Variants in PRKG1 observed in about 807,000 individuals in gnomAD.
PRKG1 encodes cGMP-dependent protein kinase 1.
In PRKG1, 35 loss-of-function variants were observed where a neutral mutation model predicts 88.1. That is an observed-to-expected ratio of 0.40 (90% CI 0.30 to 0.53). The LOEUF is 0.53. PRKG1 is among the 20% of genes least tolerant of loss of function. PRKG1 has a pLI of 0.59. For missense variants in PRKG1, 540 were observed against 839.8 expected (o/e 0.64, Z 4.41); for synonymous variants, 303 against 292.5 (o/e 1.04, Z -0.37).
At chr10:52,277,642 G>A (rs1841905207) in intron 12 of PRKG1, among the ~76,000 whole-genome samples, 1 of 152,102 alleles carries the variant, frequency 6.6e-6, no homozygotes, top group Admixed American at 6.6e-5. Flanking sequence ...AGTAAATGGA[G>A]TCTGGAGTTG....
chr10:51,554,118 C>CGTATGTGATAT lies in PRKG1; in HGVS notation c.592+86284_592+86285insATGTGATATGT, dbSNP rs1837234704. Among the ~76,000 whole-genome samples, 2 of 69,890 alleles carry CGTATGTGATAT rather than the reference C, an allele frequency of 2.9e-5. 1 individual carries two copies. The highest frequency in any genetic ancestry group is 1.2e-4 in the African/African-American group (2 of 17,212). The allele number at this position is 69,890 out of a possible 152,430, so 45.9% of individuals were successfully genotyped here. On this transcript the variant is annotated intron_variant, in intron 3 of 17. Transcript: ENST00000373980. ...ATATATTATATGTGCGTATGTGATA[C>CGTATGTGATAT]GTGTATATATTATATGTGCGTATGT...
At chr10:51,826,940 C>A (rs1455656824) in intron 4 of PRKG1, among the ~76,000 whole-genome samples, 1 of 152,102 alleles carries the variant, frequency 6.6e-6, no homozygotes, top group African/African-American at 2.4e-5. Context: ...AGTTTAGTTT[C>A]CCCTGAGGAA....
intron 2 of PRKG1, among the ~76,000 whole-genome samples, chr10:51,372,440 G>A (rs943538547): frequency 2.6e-5 from 4 of 151,880 alleles, no homozygotes; most frequent in African/African-American, 9.7e-5. Context: ...TTTTTCACTT[G>A]TGTAATCATG....
At chr10:51,232,807 T>C (rs1390639720) in intron 2 of PRKG1, among the ~76,000 whole-genome samples, 1 of 152,160 alleles carries the variant, frequency 6.6e-6, no homozygotes, top group African/African-American at 2.4e-5. Flanking sequence ...TTCAATAGAA[T>C]CAACCTGCCC....
At chr10:51,060,170 T>C (rs566732682) in intron 1 of PRKG1, among the ~76,000 whole-genome samples, 1 of 152,228 alleles carries the variant, frequency 6.6e-6, no homozygotes, top group East Asian at 1.9e-4. Context: ...CCATTTTTAC[T>C]ATAAGCCTTT....
intron 3 of PRKG1, among the ~76,000 whole-genome samples, chr10:51,618,820 G>A (rs976347701): frequency 6.6e-6 from 1 of 151,968 alleles, no homozygotes; most frequent in East Asian, 1.9e-4. Context: ...CCAGGCTGGA[G>A]TGTAGTGGCA....
intron 7 of PRKG1, among the ~76,000 whole-genome samples, chr10:52,104,363 TG>T (rs1282263773): frequency 6.6e-6 from 1 of 152,084 alleles, no homozygotes. Context: ...AAAACTGATG[TG>T]GCCTTATTTC....
rs570263026 is a variant in PRKG1 at position 52,152,622 on chromosome 10, A to T, written c.1002-9267A>T. On this transcript the variant is annotated intron_variant, in intron 8 of 17. Coordinates refer to ENST00000373980, the MANE Select transcript of PRKG1 (RefSeq NM_006258.4). ...CGTGAAGTATTCTATGGTCAAATGTAGCATGGGATAATTCAGAGAAGTTGT... is the reference window on the plus strand; with the variant it reads ...CGTGAAGTATTCTATGGTCAAATGTTGCATGGGATAATTCAGAGAAGTTGT... Among the ~76,000 whole-genome samples the T allele has an allele frequency of 1.1e-4, 16 of 152,296 alleles. 1 individual carries two copies. The East Asian group carries it at 3.1e-3, about 30-fold the overall frequency.
At chr10:51,854,795 C>G (rs985759233) in intron 4 of PRKG1, among the ~76,000 whole-genome samples, 2 of 152,004 alleles carry the variant, frequency 1.3e-5, no homozygotes, top group Non-Finnish European at 2.9e-5. Flanking sequence ...TTTAAAAAAT[C>G]ATTTTGGTAC....
At chr10:51,994,637 C>T (rs1334873426) in intron 5 of PRKG1, among the ~76,000 whole-genome samples, 2 of 152,126 alleles carry the variant, frequency 1.3e-5, no homozygotes, top group African/African-American at 4.8e-5. Flanking sequence ...GTCCTTAGGT[C>T]CGTAGTGCTT....
chr10:51,155,075 A>C (rs1402451505), intron 2 of PRKG1, among the ~76,000 whole-genome samples: 1 of 152,096 alleles, frequency 6.6e-6, no homozygotes, highest in African/African-American at 2.4e-5. Flanking sequence ...TATTGTATAA[A>C]GGAAAGTATA....
chr10:52,195,503 T>C (rs538369740), intron 9 of PRKG1, among the ~76,000 whole-genome samples: 51 of 152,282 alleles, frequency 3.3e-4, no homozygotes, highest in African/African-American at 1.1e-3. Context: ...GATCTTCTTT[T>C]CAACCTATAA....
intron 3 of PRKG1, among the ~76,000 whole-genome samples, chr10:51,603,978 GTT>G (rs956873598): frequency 6.6e-6 from 1 of 151,880 alleles, no homozygotes; most frequent in Non-Finnish European, 1.5e-5. Context: ...AGGTCTAGGT[GTT>G]TACCCCACTT....
chr10:51,381,774 T>C (rs1056239016), intron 2 of PRKG1, among the ~76,000 whole-genome samples: 8 of 152,250 alleles, frequency 5.3e-5, no homozygotes, highest in African/African-American at 1.9e-4. Flanking sequence ...CTCAGATTTA[T>C]ATTTATAAGT....
At chr10:51,927,313 CTT>C (rs1241452154) in intron 5 of PRKG1, among the ~76,000 whole-genome samples, 4 of 152,124 alleles carry the variant, frequency 2.6e-5, no homozygotes, top group Non-Finnish European at 5.9e-5. Flanking sequence ...CTCATTCTCT[CTT>C]GTCTGCCACC....
chr10:52,173,500 A>G (rs866893579), intron 9 of PRKG1, among the ~76,000 whole-genome samples: 3 of 152,224 alleles, frequency 2.0e-5, no homozygotes, highest in African/African-American at 7.2e-5. Flanking sequence ...AAATGGTAGC[A>G]TAAATTGTTT....
intron 2 of PRKG1, among the ~76,000 whole-genome samples, chr10:51,318,470 T>C (rs1009391536): frequency 6.6e-6 from 1 of 152,150 alleles, no homozygotes; most frequent in African/African-American, 2.4e-5. Context: ...TTTTTCAATA[T>C]AGATAGGTTT....
intron 1 of PRKG1, among the ~76,000 whole-genome samples, chr10:51,067,272 A>G (rs201338859): frequency 8.2e-3 from 159 of 19,494 alleles, no homozygotes; most frequent in Admixed American, 0.024. Context: ...GTATGTGTGT[A>G]TATATATATA....
intron 17 of PRKG1, among the ~76,000 whole-genome samples, chr10:52,292,112 GT>G (rs549136951): frequency 1.4e-4 from 21 of 151,808 alleles, no homozygotes; most frequent in African/African-American, 4.6e-4. Flanking sequence ...GGGGTTGTTT[GT>G]TTTTTTTCTT....
Sources: allele counts gnomAD v4.1 joint callset (sites outside exome capture counted in the v4.1 genomes callset), GRCh38; gene constraint gnomAD v4.1.1; transcripts MANE v1.5; gene names NCBI Gene and HGNC (gene_info 2026-07-23, HGNC 2026-07-21).